The following PKNOX2 variants were observed in gnomAD, a reference collection of about 807,000 sequenced individuals.
PKNOX2 encodes the protein PBX/knotted 1 homeobox 2.
Under a neutral mutation model 53.1 loss-of-function variants are expected in PKNOX2, and 14 were observed. The ratio of observed to expected loss-of-function variants is 0.26; its 90% confidence interval spans 0.17 to 0.41. The LOEUF is 0.41. Ranked by LOEUF, PKNOX2 falls within the 10% of genes least tolerant of loss-of-function variation. The probability of loss-of-function intolerance (pLI) is 1.00; values close to 1 mark genes in which losing one functional copy is unlikely to be tolerated. For missense variants in PKNOX2, 496 were observed against 602.8 expected, an observed-to-expected ratio of 0.82 and a Z score of 1.85; for synonymous variants, 257 against 242.8, an observed-to-expected ratio of 1.06 and a Z score of -0.54.
chr11:125,365,342 G>A (rs1195307243), intron 4 of PKNOX2, among the ~76,000 whole-genome samples: 1 of 152,038 alleles, frequency 6.6e-6, no homozygotes, highest in African/African-American at 2.4e-5. Flanking sequence ...TGCATCCTCA[G>A]CTAGCATTAG....
intron 3 of PKNOX2, among the ~76,000 whole-genome samples, chr11:125,349,141 G>C (rs1203289561): frequency 1.3e-5 from 2 of 152,008 alleles, no homozygotes; most frequent in Non-Finnish European, 2.9e-5. Flanking sequence ...ATTTTGTCAG[G>C]GTCCAAAAAA....
chr11:125,176,747 T>G lies in PKNOX2; in HGVS notation c.-201+11971T>G, dbSNP rs554221691. Among the ~76,000 whole-genome samples, 8 of 152,190 alleles carry G rather than the reference T, an allele frequency of 5.3e-5. No homozygotes were observed. In the South Asian group the frequency reaches 1.7e-3, roughly 32 times the overall value. On this transcript the variant is annotated intron_variant, in intron 1 of 12. Coordinates refer to ENST00000298282, the MANE Select transcript of PKNOX2 (RefSeq NM_001382323.2). ...TTCTTCCCCAGCATCTTCTTTTCCA[T>G]CCCAGGCAAGGACTGAACAAGGTGA... is the stretch of plus-strand genomic sequence containing the variant.
At chr11:125,314,425 T>C (rs538068180) in intron 2 of PKNOX2, among the ~76,000 whole-genome samples, 1 of 152,178 alleles carries the variant, frequency 6.6e-6, no homozygotes, top group African/African-American at 2.4e-5. Flanking sequence ...ATCTTAATGG[T>C]GGGGAAGACT....
chr11:125,195,885 A>ACGCACG (rs757946574), intron 1 of PKNOX2, among the ~76,000 whole-genome samples: 3 of 35,362 alleles, frequency 8.5e-5, no homozygotes, highest in African/African-American at 5.3e-4. Context: ...ATGTACATGC[A>ACGCACG]CACACACACA....
At chr11:125,280,985 C>T (rs1221844535) in intron 2 of PKNOX2, among the ~76,000 whole-genome samples, 1 of 152,174 alleles carries the variant, frequency 6.6e-6, no homozygotes, top group African/African-American at 2.4e-5. Flanking sequence ...AAACTGGTGA[C>T]CTGAGTGACC....
At chr11:125,386,291 A>C (rs897683727) in intron 6 of PKNOX2, among the ~76,000 whole-genome samples, 1 of 152,192 alleles carries the variant, frequency 6.6e-6, no homozygotes, top group South Asian at 2.1e-4. Context: ...ATAAAAATAC[A>C]TATTTCTAGG....
chr11:125,182,767 G>T (rs1956224496), intron 1 of PKNOX2, among the ~76,000 whole-genome samples: 1 of 152,194 alleles, frequency 6.6e-6, no homozygotes, highest in Non-Finnish European at 1.5e-5. Flanking sequence ...GTCCTGGCCT[G>T]CCAGCAGCTA....
At position 125,379,518 on chromosome 11, in the gene PKNOX2, C is replaced by T. The variant is rs374470491; in HGVS notation, c.228-6033C>T. 9.8e-5 allele frequency among the ~76,000 whole-genome samples: 15 copies of T among 152,292 alleles called. No homozygotes were observed. In the East Asian group the frequency reaches 1.5e-3, roughly 16 times the overall value. ...TAAAAATGTTAGGGCAATCTGTCAG[C>T]CCGATTTATGTTAAGAATATCTGTC... On this transcript the variant is annotated intron_variant, in intron 5 of 12. Coordinates refer to ENST00000298282, the MANE Select transcript of PKNOX2 (RefSeq NM_001382323.2).
intron 2 of PKNOX2, among the ~76,000 whole-genome samples, chr11:125,311,179 T>C (rs1213158282): frequency 1.3e-5 from 2 of 152,202 alleles, no homozygotes; most frequent in Non-Finnish European, 2.9e-5. Flanking sequence ...TTTTAAATCA[T>C]CACAGAACTC....
chr11:125,378,192 A>G (rs1289324581), intron 5 of PKNOX2, among the ~76,000 whole-genome samples: 1 of 152,226 alleles, frequency 6.6e-6, no homozygotes, highest in Non-Finnish European at 1.5e-5. Flanking sequence ...GAGTTTCTGG[A>G]AAGGCGAACT....
chr11:125,337,707 C>G (rs138387867), intron 3 of PKNOX2, among the ~76,000 whole-genome samples: 1 of 151,008 alleles, frequency 6.6e-6, no homozygotes, highest in Non-Finnish European at 1.5e-5. Flanking sequence ...CATTTTGCTA[C>G]GACTTCATTT....
At chr11:125,191,797 T>C (rs2135349853) in intron 1 of PKNOX2, among the ~76,000 whole-genome samples, 1 of 152,326 alleles carries the variant, frequency 6.6e-6, no homozygotes, top group East Asian at 1.9e-4. Flanking sequence ...GCACTGGCGT[T>C]GAAAAGCGTC....
chr11:125,394,793 C>A (rs553559065), intron 6 of PKNOX2, among the ~76,000 whole-genome samples: 25 of 152,334 alleles, frequency 1.6e-4, no homozygotes, highest in Admixed American at 1.6e-3. Flanking sequence ...AAGCATCACC[C>A]GCTCCTAGCG....
In PKNOX2 at chr11:125,413,350, A is replaced by C. The variant is rs1006277950; in HGVS notation, c.936+1485A>C. Reference sequence around the variant, plus strand: ...GCTGGAGTGCACAGGGGGAACGCCCAGGTCTCCTGCCTTTCAGGTTTTCCA... The same window carrying C: ...GCTGGAGTGCACAGGGGGAACGCCCCGGTCTCCTGCCTTTCAGGTTTTCCA... On this transcript the variant is annotated intron_variant, in intron 10 of 12. Transcript: ENST00000298282. Among the ~76,000 whole-genome samples, 3 of 152,334 alleles carry C rather than the reference A, an allele frequency of 2.0e-5. 1 individual carries two copies. In the South Asian group the frequency reaches 6.2e-4, roughly 32 times the overall value.
chr11:125,283,366 C>T (rs1048696946), intron 2 of PKNOX2, among the ~76,000 whole-genome samples: 1 of 152,108 alleles, frequency 6.6e-6, no homozygotes, highest in African/African-American at 2.4e-5. Flanking sequence ...GCCACCTGCC[C>T]CTTCAGTGTG....
intron 6 of PKNOX2, among the ~76,000 whole-genome samples, chr11:125,394,698 GAGCTAGCCAAA>G (rs935202655): frequency 6.6e-6 from 1 of 152,154 alleles, no homozygotes; most frequent in African/African-American, 2.4e-5. Flanking sequence ...AGGCATCCAG[GAGCTAGCCAAA>G]AGCTAGGAGG....
intron 1 of PKNOX2, among the ~76,000 whole-genome samples, chr11:125,217,325 G>A (rs2135479825): frequency 6.6e-6 from 1 of 152,234 alleles, no homozygotes; most frequent in East Asian, 1.9e-4. Context: ...TGCCAGACCA[G>A]CTCTCACTCC....
intron 1 of PKNOX2, among the ~76,000 whole-genome samples, chr11:125,203,512 AGCC>A (rs1938695130): frequency 6.6e-6 from 1 of 152,248 alleles, no homozygotes; most frequent in African/African-American, 2.4e-5. Context: ...AAGGCGGCAG[AGCC>A]AGGCAATGGG....
chr11:125,260,462 G>C (rs1039961296), intron 2 of PKNOX2, among the ~76,000 whole-genome samples: 14 of 152,044 alleles, frequency 9.2e-5, no homozygotes, highest in Admixed American at 2.0e-4. Context: ...CTCCCAAAGT[G>C]CTGGGATTAC....
Sources: allele counts gnomAD v4.1 joint callset (sites outside exome capture counted in the v4.1 genomes callset), GRCh38; gene constraint gnomAD v4.1.1; transcripts MANE v1.5; gene names NCBI Gene and HGNC (gene_info 2026-07-23, HGNC 2026-07-21).